The following FBXO11 variants were observed in gnomAD, a reference collection of about 807,000 sequenced individuals.
FBXO11 encodes the protein F-box only protein 11.
FBXO11 carries 13 observed loss-of-function variants against 117.0 expected under a neutral mutation model. The observed-to-expected ratio is 0.11, with a 90% CI of 0.07 to 0.18. The LOEUF is 0.18. Among genes scored for constraint, FBXO11 ranks in the 10% least tolerant of loss-of-function variants. The pLI, the probability that FBXO11 is intolerant of heterozygous loss-of-function variation, is 1.00. For synonymous variants in FBXO11, 490 were observed against 380.5 expected (o/e 1.29, Z -3.35); for missense variants, 767 against 1,164.4 (o/e 0.66, Z 4.97).
chr2:47,863,071 A>C (rs778601514), intron 1 of FBXO11, among the ~76,000 whole-genome samples: 2 of 130,320 alleles, frequency 1.5e-5, no homozygotes, highest in South Asian at 2.1e-4. Context: ...AAAAAAAAAA[A>C]CAAAAAAACA....
intron 16 of FBXO11, among the ~76,000 whole-genome samples, chr2:47,818,233 TCTG>T (rs1381491975): frequency 2.0e-5 from 3 of 152,172 alleles, no homozygotes; most frequent in African/African-American, 7.2e-5. Context: ...GGCAGAGAGA[TCTG>T]CTCAACACAG....
chr2:47,823,677 C>T (rs1052669262), intron 11 of FBXO11, among the ~76,000 whole-genome samples: 7 of 151,836 alleles, frequency 4.6e-5, no homozygotes, highest in Admixed American at 1.3e-4. Context: ...TGCTTGAACC[C>T]GGGAGTCAGA....
At chr2:47,839,364 A>C (rs1655313593) in intron 3 of FBXO11, 55 bp downstream of exon 3, 2 of 1,507,142 alleles carry the variant, frequency 1.3e-6, no homozygotes, top group Non-Finnish European at 1.8e-6. Flanking sequence ...TTTGGTATCA[A>C]GCAAAATTAA....
intron 11 of FBXO11, among the ~76,000 whole-genome samples, chr2:47,826,711 C>T (rs1474627127): frequency 2.0e-5 from 3 of 152,130 alleles, no homozygotes; most frequent in African/African-American, 7.2e-5. Context: ...CTTTGCTTAG[C>T]TTTCTAGTGA....
At chr2:47,866,665 G>T (rs1013900399) in intron 1 of FBXO11, among the ~76,000 whole-genome samples, 1 of 151,972 alleles carries the variant, frequency 6.6e-6, no homozygotes, top group Non-Finnish European at 1.5e-5. Context: ...GTAGAGATGA[G>T]GTTTCACCAT....
chr2:47,881,354 T>C (rs1676418516), intron 1 of FBXO11, among the ~76,000 whole-genome samples: 1 of 152,232 alleles, frequency 6.6e-6, no homozygotes, highest in Non-Finnish European at 1.5e-5. Context: ...GTTTTATTTT[T>C]AACTGGTTTG....
At chr2:47,883,773 T>C (rs1676611112) in intron 1 of FBXO11, 1 of 238,220 alleles carries the variant, frequency 4.2e-6, no homozygotes, top group African/African-American at 2.3e-5. Context: ...ATAAGGTGTA[T>C]GAGAATGGTA....
chr2:47,819,407 C>G (rs533533549), intron 14 of FBXO11, among the ~76,000 whole-genome samples: 3 of 151,948 alleles, frequency 2.0e-5, no homozygotes, highest in Non-Finnish European at 4.4e-5. Context: ...GTAGAGATGG[C>G]GTTTCACCAT....
intron 1 of FBXO11, among the ~76,000 whole-genome samples, chr2:47,860,010 T>C (rs982485113): frequency 6.6e-6 from 1 of 152,164 alleles, no homozygotes; most frequent in Non-Finnish European, 1.5e-5. Context: ...GGGCTAACTA[T>C]AAAATCCTCT....
At chr2:47,841,813 T>G (rs1482618939) in intron 1 of FBXO11, among the ~76,000 whole-genome samples, 2 of 150,858 alleles carry the variant, frequency 1.3e-5, no homozygotes, top group Non-Finnish European at 3.0e-5. Context: ...GCTAACTTTT[T>G]GTATTTTGGT....
intron 1 of FBXO11, among the ~76,000 whole-genome samples, chr2:47,897,143 C>A (rs1247593601): frequency 6.6e-6 from 1 of 152,212 alleles, no homozygotes. Context: ...CATGCTCTTC[C>A]TCTTCCCCAT....
intron 11 of FBXO11, among the ~76,000 whole-genome samples, chr2:47,824,885 G>A (rs1026980998): frequency 6.6e-5 from 10 of 152,076 alleles, no homozygotes; most frequent in Admixed American, 1.3e-4. Context: ...AAGAAAAAAC[G>A]GAATGTGCTT....
intron 1 of FBXO11, among the ~76,000 whole-genome samples, chr2:47,858,827 G>C (rs1303584657): frequency 6.6e-6 from 1 of 151,238 alleles, no homozygotes; most frequent in Non-Finnish European, 1.5e-5. Flanking sequence ...GTTGGATCAC[G>C]AGGTCAGGAG....
intron 1 of FBXO11, among the ~76,000 whole-genome samples, chr2:47,859,484 A>G (rs578038920): frequency 6.6e-6 from 1 of 152,356 alleles, no homozygotes; most frequent in East Asian, 1.9e-4. Flanking sequence ...AAACTTGGCA[A>G]AGATTTAAAA....
At chr2:47,820,331 A>T in intron 14 of FBXO11, 31 bp downstream of exon 14, 1 of 1,540,750 alleles carries the variant, frequency 6.5e-7, no homozygotes, top group Non-Finnish European at 8.9e-7. Flanking sequence ...TTGATGCATG[A>T]GTTTATAGGG....
chr2:47,858,466 G>A (rs925121649), intron 1 of FBXO11, among the ~76,000 whole-genome samples: 1 of 150,906 alleles, frequency 6.6e-6, no homozygotes, highest in Non-Finnish European at 1.5e-5. Context: ...CAGATCACCT[G>A]AAGTCACGAG....
At chr2:47,822,680 C>G (rs1376392702) in intron 12 of FBXO11, among the ~76,000 whole-genome samples, 1 of 152,154 alleles carries the variant, frequency 6.6e-6, no homozygotes, top group Non-Finnish European at 1.5e-5. Flanking sequence ...TTTGGTTCTA[C>G]AATTTTGGCT....
intron 1 of FBXO11, among the ~76,000 whole-genome samples, chr2:47,876,889 T>C (rs1193552627): frequency 1.3e-5 from 2 of 151,984 alleles, no homozygotes. Flanking sequence ...ATATTGAACT[T>C]AGGTTTGAAT....
At chr2:47,872,926 C>A (rs964378469) in intron 1 of FBXO11, among the ~76,000 whole-genome samples, 2 of 151,864 alleles carry the variant, frequency 1.3e-5, no homozygotes, top group African/African-American at 2.4e-5. Context: ...ATTTTTATTT[C>A]TTTAATACAG....
Sources: gnomAD v4.1 joint callset for allele counts (sites outside exome capture counted in the v4.1 genomes callset) on GRCh38, gnomAD v4.1.1 for gene constraint, MANE v1.5 for transcripts, NCBI Gene and HGNC (gene_info 2026-07-23, HGNC 2026-07-21) for gene names.